PABPC4L: variants seen among roughly 807,000 people sequenced by gnomAD.
PABPC4L encodes the protein poly(A) binding protein cytoplasmic 4 like, also known as polyadenylate-binding protein 4-like.
For synonymous variants in PABPC4L, 169 were observed against 164.1 expected (o/e 1.03, Z -0.23); for missense variants, 452 against 451.4 (o/e 1.00, Z -0.01).
the PABPC4L span, among the ~76,000 whole-genome samples, chr4:134,014,920 C>T: frequency 6.6e-6 from 1 of 152,060 alleles, no homozygotes; most frequent in Non-Finnish European, 1.5e-5. Context: ...TCCCCACCTG[C>T]CCAGTTCCCT....
chr4:134,141,278 T>G, the PABPC4L span, among the ~76,000 whole-genome samples: 1 of 151,488 alleles, frequency 6.6e-6, no homozygotes, highest in Non-Finnish European at 1.5e-5. Flanking sequence ...GTGGCTTTTC[T>G]GAAATGTATC....
chr4:133,985,085 A>C, the PABPC4L span, among the ~76,000 whole-genome samples: 9 of 151,982 alleles, frequency 5.9e-5, no homozygotes, highest in African/African-American at 2.2e-4. Flanking sequence ...AACCAAAAAC[A>C]AATGAATAAA....
At chr4:134,174,864 T>A in the PABPC4L span, among the ~76,000 whole-genome samples, 3 of 152,302 alleles carry the variant, frequency 2.0e-5, no homozygotes, top group Admixed American at 6.5e-5. Context: ...TGATTGATGT[T>A]GTTTTTATAA....
chr4:133,948,488 G>A, the PABPC4L span, among the ~76,000 whole-genome samples: 6 of 152,186 alleles, frequency 3.9e-5, no homozygotes, highest in African/African-American at 1.2e-4. Flanking sequence ...GGTACAAGTT[G>A]AGAGTTCTCC....
the PABPC4L span, among the ~76,000 whole-genome samples, chr4:134,070,387 G>A: frequency 6.6e-6 from 1 of 152,040 alleles, no homozygotes; most frequent in African/African-American, 2.4e-5. Flanking sequence ...ATTTTTGCAG[G>A]CCTTCATACC....
chr4:134,082,775 G>GTATTATTTGATAAGA, the PABPC4L span, among the ~76,000 whole-genome samples: 3 of 151,594 alleles, frequency 2.0e-5, no homozygotes, highest in African/African-American at 7.3e-5. Flanking sequence ...TTTTCAAAAA[G>GTATTATTTGATAAGA]TCCCATACAT....
the PABPC4L span, among the ~76,000 whole-genome samples, chr4:134,077,207 A>C: frequency 6.6e-6 from 1 of 152,162 alleles, no homozygotes; most frequent in East Asian, 1.9e-4. Flanking sequence ...CCATCTTGAA[A>C]ACTTCTGTAC....
the PABPC4L span, among the ~76,000 whole-genome samples, chr4:134,136,910 G>A: frequency 6.6e-6 from 1 of 151,980 alleles, no homozygotes; most frequent in East Asian, 1.9e-4. Flanking sequence ...GCTATAGTTA[G>A]TTTGAGGCTA....
the PABPC4L span, among the ~76,000 whole-genome samples, chr4:133,968,617 T>C: frequency 8.1e-4 from 124 of 152,274 alleles, no homozygotes; most frequent in African/African-American, 2.9e-3. Flanking sequence ...ATGGGCCACG[T>C]AAATAGACCA....
chr4:134,142,086 T>C, the PABPC4L span, among the ~76,000 whole-genome samples: 2 of 151,692 alleles, frequency 1.3e-5, no homozygotes, highest in African/African-American at 4.8e-5. Context: ...TAGTGAGATG[T>C]AAATGAGAAA....
the PABPC4L span, among the ~76,000 whole-genome samples, chr4:134,073,970 T>C: frequency 1.3e-5 from 2 of 152,164 alleles, no homozygotes; most frequent in Admixed American, 6.5e-5. Flanking sequence ...CCTCCAGGCC[T>C]GATGGAGGGT....
chr4:133,971,106 C>CTTTT, the PABPC4L span, among the ~76,000 whole-genome samples: 31 of 63,952 alleles, frequency 4.8e-4, no homozygotes, highest in South Asian at 8.9e-4. Flanking sequence ...ATCTTATATT[C>CTTTT]TTTTTTTTTT....
the PABPC4L span, among the ~76,000 whole-genome samples, chr4:134,059,036 A>T: frequency 1.3e-5 from 2 of 152,066 alleles, no homozygotes; most frequent in East Asian, 3.9e-4. Flanking sequence ...CAAATATCTC[A>T]AGAGAAGGGG....
chr4:134,169,695 A>G, the PABPC4L span, among the ~76,000 whole-genome samples: 5 of 152,108 alleles, frequency 3.3e-5, no homozygotes, highest in Non-Finnish European at 7.4e-5. Flanking sequence ...ATAGCAAAAG[A>G]TAAAATAAAA....
At chr4:134,122,218 C>T in the PABPC4L span, among the ~76,000 whole-genome samples, 5 of 151,644 alleles carry the variant, frequency 3.3e-5, no homozygotes, top group East Asian at 1.9e-4. Context: ...ATCAAATCAG[C>T]GTTCATTTCA....
chr4:134,032,342 A>G, the PABPC4L span, among the ~76,000 whole-genome samples: 3 of 152,000 alleles, frequency 2.0e-5, no homozygotes, highest in Non-Finnish European at 4.4e-5. Context: ...AGTTTTATAA[A>G]TTCTACTAAC....
chr4:133,997,593 C>A, the PABPC4L span, among the ~76,000 whole-genome samples: 5 of 151,982 alleles, frequency 3.3e-5, no homozygotes, highest in Non-Finnish European at 7.4e-5. Context: ...GGAAAGAATT[C>A]CCACTCTAGA....
the PABPC4L span, among the ~76,000 whole-genome samples, chr4:134,048,977 TA>T: frequency 6.6e-6 from 1 of 152,092 alleles, no homozygotes; most frequent in Non-Finnish European, 1.5e-5. Flanking sequence ...GATTCAAGTA[TA>T]AAATACAAAA....
At chr4:134,181,371 C>G in the PABPC4L span, among the ~76,000 whole-genome samples, 1 of 151,910 alleles carries the variant, frequency 6.6e-6, no homozygotes, top group African/African-American at 2.4e-5. Flanking sequence ...GGACATACCT[C>G]AAAACAGTAA....
Sources: allele counts gnomAD v4.1 joint callset (sites outside exome capture counted in the v4.1 genomes callset), GRCh38; gene constraint gnomAD v4.1.1; transcripts MANE v1.5; gene names NCBI Gene and HGNC (gene_info 2026-07-23, HGNC 2026-07-21).